NRXN2: variants seen among roughly 807,000 people sequenced by gnomAD.
NRXN2 encodes the protein neurexin 2.
In NRXN2, 29 loss-of-function variants were observed where a neutral mutation model predicts 128.8. The observed-to-expected ratio is 0.23, with a 90% CI of 0.17 to 0.31. The LOEUF (loss-of-function observed/expected upper bound fraction) is 0.31, where lower values mean the gene tolerates loss of function less well. NRXN2 is among the 10% of genes least tolerant of loss of function. The pLI is 1.00. For missense variants in NRXN2, 1,881 were observed against 2,452.6 expected (o/e 0.77, Z 4.92); for synonymous variants, 1,098 against 1,075.2 (o/e 1.02, Z -0.41).
rs1441860281 is a variant in NRXN2, at chr11:64,651,897, C to T, written c.2536+138G>A. ...GTCCAGATGCCCATAACATTCCACC[C>T]CTGAAGGAGAAATGGCAGAGGCAGC... On this transcript the variant is annotated intron_variant, in intron 13 of 22. Transcript: ENST00000265459. This position sits in a 1 kb window ranked among gnomAD's most constrained non-coding sequence, Gnocchi z 5.9. The T allele has an allele frequency of 2.2e-6, 3 of 1,356,644 alleles. No homozygotes were observed. The highest frequency in any genetic ancestry group is 1.2e-5 in the South Asian group (1 of 84,840). 84.0% of individuals were successfully genotyped at this position (1,356,644 alleles called of 1,614,324 possible).
chr11:64,652,298 C>T, intron 12 of NRXN2, 144 bp from the exon 13 acceptor site: 3 of 991,926 alleles, frequency 3.0e-6, no homozygotes, highest in Non-Finnish European at 4.5e-6. Context: ...CATATTTGGC[C>T]ACGCAACACA....
At chr11:64,702,548 G>A (rs868424439) in intron 2 of NRXN2, among the ~76,000 whole-genome samples, 18 of 152,164 alleles carry the variant, frequency 1.2e-4, no homozygotes, top group African/African-American at 4.1e-4. Context: ...ACTCAGGGTT[G>A]AATGGATTAA....
rs1030514170 is a variant in NRXN2, at chr11:64,702,277, G to A, written c.731-4485C>T. Among the ~76,000 whole-genome samples, 101 of 152,144 alleles carry A rather than the reference G, an allele frequency of 6.6e-4. 1 individual carries two copies. The highest frequency in any genetic ancestry group is 4.1e-4 in the African/African-American group (17 of 41,436). ...TGGGAAGTGAGGAGCCCCTCTGCCCGGCCACCACCCGTCTGGGAGGTGTAC... is the reference window on the plus strand; with the variant it reads ...TGGGAAGTGAGGAGCCCCTCTGCCCAGCCACCACCCGTCTGGGAGGTGTAC... On this transcript the variant is annotated intron_variant, in intron 2 of 22. Transcript: ENST00000265459.
chr11:64,662,709 G>C (rs1342084972), intron 9 of NRXN2, among the ~76,000 whole-genome samples: 1 of 152,062 alleles, frequency 6.6e-6, no homozygotes, highest in African/African-American at 2.4e-5. Flanking sequence ...GTGAACCCGG[G>C]AGGCAGAGCT....
At chr11:64,649,694 G>A (rs947153106) in intron 15 of NRXN2, among the ~76,000 whole-genome samples, 10 of 152,186 alleles carry the variant, frequency 6.6e-5, no homozygotes, top group Non-Finnish European at 1.3e-4. Context: ...GGTCTCTGAG[G>A]ACCCTCCCCA....
chr11:64,626,498 A>G lies in NRXN2; in HGVS notation c.3812T>C (p.Leu1271Pro). ...CAGCCACTCATCTACTACTCGACCA[A>G]GCCGGTAGGGGATTCTCTGTCTAGC... ...AIARQRIPYRLGRVVDEWLLD... is the reference protein window; with the variant it reads ...AIARQRIPYRPGRVVDEWLLD... The change falls in exon 20 of 23, where the codon CTT becomes CCT. Residue 1271 changes from leucine (L) to proline (P), a missense_variant. Physicochemically the swap from Leu to Pro is moderately conservative, Grantham distance 98. Transcript: ENST00000265459. 6.2e-7 allele frequency: 1 copy of G among 1,614,136 alleles called. No individual in the cohort carries two copies. Among genetic ancestry groups the G allele is most frequent in the Non-Finnish European group, 8.5e-7 (1 of 1,179,980 alleles).
rs962748769 is a variant in NRXN2, at chr11:64,632,507, C to A, written c.3586-1934G>T. ...GGTACTATTGTTAGTAATAATACCA[C>A]CCAGAATAGTATCAGCTCCCTGGAT... On this transcript the variant is annotated intron_variant, in intron 18 of 22. Transcript: ENST00000265459. The surrounding 1 kb of genome is among the most constrained non-coding windows in gnomAD (Gnocchi z 4.2). 6.6e-6 allele frequency among the ~76,000 whole-genome samples: 1 copy of A among 152,152 alleles called. No homozygotes were observed. Among genetic ancestry groups the A allele is most frequent in the Non-Finnish European group, 1.5e-5 (1 of 68,024 alleles).
At chr11:64,716,764 G>GC (rs1374291965) in intron 1 of NRXN2, among the ~76,000 whole-genome samples, 4 of 152,268 alleles carry the variant, frequency 2.6e-5, no homozygotes, top group Middle Eastern at 6.8e-3. Context: ...CCAGGAGGAA[G>GC]CCCCAGCACT....
At position 64,622,484 on chromosome 11, in the gene NRXN2, C is replaced by A. The variant is rs1044590177; in HGVS notation, c.4173+269G>T. Among the ~76,000 whole-genome samples the A allele has an allele frequency of 2.0e-5, 3 of 152,212 alleles. No homozygotes were observed. The highest frequency in any genetic ancestry group is 3.8e-4 in the East Asian group (2 of 5,196). On this transcript the variant is annotated intron_variant, in intron 21 of 22. Coordinates refer to ENST00000265459, the MANE Select transcript of NRXN2 (RefSeq NM_015080.4). This position sits in a 1 kb window ranked among gnomAD's most constrained non-coding sequence, Gnocchi z 4.3. Reference sequence around the variant, plus strand: ...GGTGGTCTTCTCTCATATAACTGGGCCATCAAACTCCTCCCCAATTCTGGG... The same window carrying A: ...GGTGGTCTTCTCTCATATAACTGGGACATCAAACTCCTCCCCAATTCTGGG...
chr11:64,650,708 G>T, intron 14 of NRXN2, 70 bp from the exon 15 acceptor site: 1 of 1,451,922 alleles, frequency 6.9e-7, no homozygotes, highest in Non-Finnish European at 9.7e-7. Flanking sequence ...GTGAGGAGGA[G>T]CTATGGCTGG....
At chr11:64,643,138 G>A (rs2046010621) in intron 17 of NRXN2, 1 of 981,672 alleles carries the variant, frequency 1.0e-6, no homozygotes, top group Non-Finnish European at 1.2e-6. Context: ...ATGGTGCCGA[G>A]TGGAGAGGGA....
intron 21 of NRXN2, among the ~76,000 whole-genome samples, chr11:64,620,923 T>C (rs2042246652): frequency 6.6e-6 from 1 of 151,640 alleles, no homozygotes; most frequent in Non-Finnish European, 1.5e-5. Context: ...GAAGACTTTG[T>C]CAGCATTTTC....
In NRXN2 at chr11:64,660,580, G is replaced by A. The variant is rs1274563604; in HGVS notation, c.2186-45C>T. 6 of 1,604,210 alleles carry A rather than the reference G, an allele frequency of 3.7e-6. No individual in the cohort carries two copies. The African/African-American group carries it at 8.0e-5, about 21-fold the overall frequency. On this transcript the variant is annotated intron_variant, in intron 10 of 22. Coordinates refer to ENST00000265459, the MANE Select transcript of NRXN2 (RefSeq NM_015080.4). This position sits in a 1 kb window ranked among gnomAD's most constrained non-coding sequence, Gnocchi z 5.2. Reference sequence around the variant, plus strand: ...AAGAGGGAAGGAGAAGACAGGCAGAGGCCAGGGGAGGGAGAAGACCAGAGA... The same window carrying A: ...AAGAGGGAAGGAGAAGACAGGCAGAAGCCAGGGGAGGGAGAAGACCAGAGA...
intron 2 of NRXN2, among the ~76,000 whole-genome samples, chr11:64,705,277 G>A (rs2056109375): frequency 6.6e-6 from 1 of 152,156 alleles, no homozygotes; most frequent in Admixed American, 6.5e-5. Context: ...GGAGCAACAG[G>A]CTCTTGAGTC....
chr11:64,616,638 C>T (rs570403410), intron 22 of NRXN2, among the ~76,000 whole-genome samples: 1 of 152,330 alleles, frequency 6.6e-6, no homozygotes, highest in East Asian at 1.9e-4. Flanking sequence ...CAGGTCTGAA[C>T]ACAGATGTGT....
At chr11:64,681,271 T>C (rs532312212) in intron 6 of NRXN2, among the ~76,000 whole-genome samples, 143 of 151,558 alleles carry the variant, frequency 9.4e-4, no homozygotes, top group Admixed American at 1.9e-3. Context: ...AGAGACCAAA[T>C]GGATCAGAAA....
intron 5 of NRXN2, among the ~76,000 whole-genome samples, chr11:64,687,708 A>T (rs1251270168): frequency 6.6e-6 from 1 of 152,218 alleles, no homozygotes; most frequent in Non-Finnish European, 1.5e-5. Flanking sequence ...TCGCAGAGAC[A>T]GACAAGAAAT....
chr11:64,624,437 G>A (rs10897520), intron 20 of NRXN2, among the ~76,000 whole-genome samples: 2 of 151,878 alleles, frequency 1.3e-5, no homozygotes, highest in African/African-American at 2.4e-5. Context: ...GACCAGCAAC[G>A]CCCATTACTA....
In NRXN2 at chr11:64,622,502, A is replaced by G. The variant is rs1341472496; in HGVS notation, c.4173+251T>C. Among the ~76,000 whole-genome samples the G allele has an allele frequency of 2.6e-5, 4 of 152,212 alleles. No individual in the cohort carries two copies. Among genetic ancestry groups the G allele is most frequent in the Admixed American group, 6.5e-5 (1 of 15,276 alleles). On this transcript the variant is annotated intron_variant, in intron 21 of 22. Transcript: ENST00000265459. This position sits in a 1 kb window ranked among gnomAD's most constrained non-coding sequence, Gnocchi z 4.3. ...AACTGGGCCATCAAACTCCTCCCCA[A>G]TTCTGGGAATGGTCCCTCTAGAAAT...
Sources: allele counts gnomAD v4.1 joint callset (sites outside exome capture counted in the v4.1 genomes callset), GRCh38; gene constraint gnomAD v4.1.1; non-coding constraint Gnocchi (gnomAD v3.1); transcripts MANE v1.5; gene names NCBI Gene and HGNC (gene_info 2026-07-23, HGNC 2026-07-21).